Variants in CAMK2B observed in about 807,000 individuals in gnomAD.
CAMK2B encodes the protein calcium/calmodulin-dependent protein kinase type II subunit beta.
In CAMK2B, 27 loss-of-function variants were observed where a neutral mutation model predicts 93.7. The ratio of observed to expected loss-of-function variants is 0.29; its 90% CI spans 0.21 to 0.40. The LOEUF (loss-of-function observed/expected upper bound fraction) is 0.40. Ranked by LOEUF, CAMK2B falls within the 10% of genes least tolerant of loss-of-function variation. The pLI, the probability that CAMK2B is intolerant of heterozygous loss-of-function variation, is 1.00. For synonymous variants in CAMK2B, 374 were observed against 358.8 expected (o/e 1.04, Z -0.48); for missense variants, 568 against 895.8 (o/e 0.63, Z 4.67).
chr7:44,287,493 C>A (rs58577638), intron 1 of CAMK2B, among the ~76,000 whole-genome samples: 3 of 152,134 alleles, frequency 2.0e-5, no homozygotes, highest in East Asian at 1.9e-4. Flanking sequence ...ACTTGCCAGA[C>A]GGCAATCTGT....
intron 1 of CAMK2B, among the ~76,000 whole-genome samples, chr7:44,291,795 C>A (rs1446373543): frequency 6.6e-6 from 1 of 152,188 alleles, no homozygotes; most frequent in Non-Finnish European, 1.5e-5. Flanking sequence ...CATTTCATTG[C>A]GTTCACTTCC....
intron 19 of CAMK2B, 111 bp downstream of exon 19, chr7:44,228,685 G>C (rs963668197): frequency 2.8e-6 from 3 of 1,062,316 alleles, no homozygotes; most frequent in Non-Finnish European, 3.8e-6. Flanking sequence ...AGGCTGCGGC[G>C]CCGGGGCAGG....
chr7:44,314,167 T>A (rs759262624), intron 1 of CAMK2B, among the ~76,000 whole-genome samples: 8 of 152,244 alleles, frequency 5.3e-5, no homozygotes, highest in Non-Finnish European at 1.2e-4. Context: ...TTAGAGTATA[T>A]AATTCAGATA....
chr7:44,306,521 C>T (rs1791564053), intron 1 of CAMK2B, among the ~76,000 whole-genome samples: 1 of 152,204 alleles, frequency 6.6e-6, no homozygotes, highest in Non-Finnish European at 1.5e-5. Flanking sequence ...CACCCAGGAA[C>T]ACCTGTAGCC....
Position 44,286,283 on chromosome 7 carries a change from T to G in CAMK2B, c.66-2058A>C, listed in dbSNP as rs1785069267. Among the ~76,000 whole-genome samples the G allele has an allele frequency of 6.6e-6, 1 of 152,168 alleles. No homozygotes were observed. The highest frequency in any genetic ancestry group is 1.5e-5 in the Non-Finnish European group (1 of 68,010). ...CTAGAGGGCTCAGCGGCCACAGGGC[T>G]GACGTGGCAGGCCTCCACTGAGTGT... On this transcript the variant is annotated intron_variant, in intron 1 of 23. Transcript: ENST00000395749. This position sits in a 1 kb window ranked among gnomAD's most constrained non-coding sequence, Gnocchi z 4.0.
intron 4 of CAMK2B, among the ~76,000 whole-genome samples, chr7:44,257,360 A>C (rs928668719): frequency 1.3e-5 from 2 of 152,198 alleles, no homozygotes; most frequent in African/African-American, 4.8e-5. Flanking sequence ...CAGGGCCTCC[A>C]ATGACACCTG....
intron 1 of CAMK2B, among the ~76,000 whole-genome samples, chr7:44,314,987 A>G (rs1318786598): frequency 6.6e-6 from 1 of 152,236 alleles, no homozygotes; most frequent in East Asian, 1.9e-4. Context: ...TCCTTACCAG[A>G]CAGATGGTTT....
chr7:44,279,256 A>C (rs768843541), intron 2 of CAMK2B, among the ~76,000 whole-genome samples: 8 of 152,206 alleles, frequency 5.3e-5, no homozygotes, highest in Non-Finnish European at 1.2e-4. Context: ...AGAATTGATA[A>C]CTGTTGAAGC....
At chr7:44,291,855 G>C (rs1335944995) in intron 1 of CAMK2B, among the ~76,000 whole-genome samples, 1 of 152,146 alleles carries the variant, frequency 6.6e-6, no homozygotes, top group Non-Finnish European at 1.5e-5. Flanking sequence ...TTCCAAACTT[G>C]GAATCTGGGT....
chr7:44,269,885 G>T (rs2096957462), intron 2 of CAMK2B, among the ~76,000 whole-genome samples: 1 of 152,154 alleles, frequency 6.6e-6, no homozygotes, highest in South Asian at 2.1e-4. Flanking sequence ...AGGGCTGAGG[G>T]GTGGGGCTCC....
chr7:44,286,371 C>T lies in CAMK2B; in HGVS notation c.66-2146G>A, dbSNP rs1004394393. Among the ~76,000 whole-genome samples the T allele has an allele frequency of 6.6e-6, 1 of 152,116 alleles. No individual in the cohort carries two copies. On this transcript the variant is annotated intron_variant, in intron 1 of 23. Transcript: ENST00000395749. The surrounding 1 kb of genome is among the most constrained non-coding windows in gnomAD (Gnocchi z 4.0). ...CTCCGTGCGCCAGAACGCAACCACA[C>T]ACTGCAGGGTTGACCCTCAGTAGGA... is the stretch of plus-strand genomic sequence containing the variant.
intron 1 of CAMK2B, among the ~76,000 whole-genome samples, chr7:44,309,836 C>G (rs988712397): frequency 8.6e-6 from 1 of 116,650 alleles, no homozygotes; most frequent in South Asian, 2.4e-4. Context: ...ACTCGGCGTC[C>G]GTCCGCGCAG....
At chr7:44,275,374 T>A (rs1442603819) in intron 2 of CAMK2B, among the ~76,000 whole-genome samples, 1 of 152,224 alleles carries the variant, frequency 6.6e-6, no homozygotes, top group Non-Finnish European at 1.5e-5. Context: ...ACCTGACAGA[T>A]GGGGCCAGCA....
At chr7:44,292,943 T>C (rs1489558604) in intron 1 of CAMK2B, among the ~76,000 whole-genome samples, 1 of 152,174 alleles carries the variant, frequency 6.6e-6, no homozygotes, top group Non-Finnish European at 1.5e-5. Context: ...ACTTGACGGC[T>C]CCAGCCCACA....
chr7:44,324,095 C>G (rs1008206048), intron 1 of CAMK2B: 1 of 152,780 alleles, frequency 6.5e-6, no homozygotes, highest in African/African-American at 2.4e-5. Context: ...TCTCTCCACA[C>G]GTGCAGGGAG....
intron 2 of CAMK2B, among the ~76,000 whole-genome samples, chr7:44,278,210 C>T (rs952330360): frequency 2.2e-4 from 33 of 152,294 alleles, no homozygotes; most frequent in African/African-American, 7.9e-4. Flanking sequence ...GTGGGCCAGA[C>T]GACACCAGAA....
At chr7:44,285,996 A>C (rs925923869) in intron 1 of CAMK2B, among the ~76,000 whole-genome samples, 2 of 152,144 alleles carry the variant, frequency 1.3e-5, no homozygotes, top group Non-Finnish European at 2.9e-5. Context: ...AAAAATATAA[A>C]GAAAGGATTA....
chr7:44,238,162 C>T, intron 13 of CAMK2B, among the ~76,000 whole-genome samples: 1 of 152,216 alleles, frequency 6.6e-6, no homozygotes, highest in East Asian at 1.9e-4. Context: ...CTCAGCCCTG[C>T]CTCTGCCTTG....
chr7:44,256,739 C>T (rs2096837385), intron 4 of CAMK2B, among the ~76,000 whole-genome samples: 1 of 152,254 alleles, frequency 6.6e-6, no homozygotes, highest in South Asian at 2.1e-4. Flanking sequence ...CCCAGAGTCG[C>T]TCCAAGGGGT....
Sources: allele counts gnomAD v4.1 joint callset (sites outside exome capture counted in the v4.1 genomes callset), GRCh38; gene constraint gnomAD v4.1.1; non-coding constraint Gnocchi (gnomAD v3.1); transcripts MANE v1.5; gene names NCBI Gene and HGNC (gene_info 2026-07-23, HGNC 2026-07-21).